Variants in ACOXL observed in about 807,000 individuals in gnomAD.
ACOXL encodes acyl-CoA oxidase like, also known as acyl-coenzyme A oxidase-like protein.
Under a neutral mutation model 71.9 loss-of-function variants are expected in ACOXL, and 70 were observed. The observed-to-expected ratio is 0.97, with a 90% CI of 0.80 to 1.19. The LOEUF (loss-of-function observed/expected upper bound fraction) is 1.19. ACOXL is among the 50% of genes most tolerant of loss of function. ACOXL has a pLI of 0.00. For synonymous variants in ACOXL, 253 were observed against 281.6 expected (o/e 0.90, Z 1.02); for missense variants, 703 against 736.3 (o/e 0.95, Z 0.52).
chr2:110,843,515 G>A (rs1691433948), intron 10 of ACOXL, among the ~76,000 whole-genome samples: 1 of 152,188 alleles, frequency 6.6e-6, no homozygotes, highest in Non-Finnish European at 1.5e-5. Flanking sequence ...GAGTGTGGAG[G>A]TGTGGGGTGG....
chr2:111,104,528 A>G (rs748396874), intron 17 of ACOXL, among the ~76,000 whole-genome samples: 7 of 152,202 alleles, frequency 4.6e-5, no homozygotes, highest in Non-Finnish European at 7.3e-5. Flanking sequence ...TATGTTAACC[A>G]TTCTGATATG....
At chr2:110,885,324 G>T (rs1269056101) in intron 10 of ACOXL, among the ~76,000 whole-genome samples, 6 of 152,254 alleles carry the variant, frequency 3.9e-5, no homozygotes, top group African/African-American at 1.2e-4. Flanking sequence ...CTTGATGAAA[G>T]ACTTCAAAAT....
Position 110,757,116 on chromosome 2 carries a change from A to G in ACOXL, c.-22-11252A>G, listed in dbSNP as rs906286867. 5.9e-5 allele frequency among the ~76,000 whole-genome samples: 9 copies of G among 152,096 alleles called. No homozygotes were observed. In the South Asian group the frequency reaches 6.2e-4, roughly 11 times the overall value. The stretch of plus-strand genomic sequence containing the variant: ...CACCATGTATCCATATGTTCTCATC[A>G]TTCAGCTCCCACTTATAAGTGAGAA... On this transcript the variant is annotated intron_variant, in intron 1 of 17. Coordinates refer to ENST00000439055, the MANE Select transcript of ACOXL (RefSeq NM_001142807.4).
intron 16 of ACOXL, among the ~76,000 whole-genome samples, chr2:111,051,058 G>T (rs1240428231): frequency 6.6e-6 from 1 of 152,212 alleles, no homozygotes; most frequent in East Asian, 1.9e-4. Flanking sequence ...GGTTTCTGCA[G>T]ACTGTGTGGC....
At chr2:110,974,451 A>G (rs1421505115) in intron 12 of ACOXL, among the ~76,000 whole-genome samples, 2 of 152,108 alleles carry the variant, frequency 1.3e-5, no homozygotes, top group Non-Finnish European at 2.9e-5. Flanking sequence ...CCTTGGTGAA[A>G]TTTAATTATA....
chr2:110,788,070 G>A (rs902528204), intron 3 of ACOXL, among the ~76,000 whole-genome samples: 1 of 152,090 alleles, frequency 6.6e-6, no homozygotes, highest in African/African-American at 2.4e-5. Context: ...AAATCAAAAC[G>A]ATATGGTTGT....
chr2:110,757,846 G>A (rs890431591), intron 1 of ACOXL, among the ~76,000 whole-genome samples: 3 of 151,808 alleles, frequency 2.0e-5, no homozygotes, highest in Non-Finnish European at 4.4e-5. Flanking sequence ...TCTGTAGGTT[G>A]TTCACTCTGA....
chr2:110,967,974 C>CA (rs1451684853), intron 12 of ACOXL: 24 of 926,778 alleles, frequency 2.6e-5, no homozygotes, highest in Admixed American at 1.7e-4. Flanking sequence ...ACAACACACC[C>CA]AAATATAGGA....
intron 11 of ACOXL, among the ~76,000 whole-genome samples, chr2:110,909,525 G>C (rs2059578483): frequency 6.6e-6 from 1 of 152,098 alleles, no homozygotes; most frequent in South Asian, 2.1e-4. Flanking sequence ...ACAGAGCCTA[G>C]AAGTAGTGGA....
At chr2:110,751,358 T>C (rs796142412) in intron 1 of ACOXL, among the ~76,000 whole-genome samples, 66 of 151,932 alleles carry the variant, frequency 4.3e-4, no homozygotes, top group African/African-American at 1.5e-3. Context: ...GACCTTGACA[T>C]TGAGGATCTT....
At chr2:110,823,489 A>C (rs1297682879) in intron 9 of ACOXL, among the ~76,000 whole-genome samples, 1 of 152,176 alleles carries the variant, frequency 6.6e-6, no homozygotes, top group African/African-American at 2.4e-5. Context: ...TAGGAGGACT[A>C]TTGATGGATT....
At chr2:110,769,206 A>T (rs1050301702) in intron 2 of ACOXL, among the ~76,000 whole-genome samples, 1 of 151,106 alleles carries the variant, frequency 6.6e-6, no homozygotes, top group Non-Finnish European at 1.5e-5. Flanking sequence ...GTATTATTTT[A>T]GTCAATTTAG....
intron 10 of ACOXL, among the ~76,000 whole-genome samples, chr2:110,893,892 G>A (rs570231254): frequency 6.6e-6 from 1 of 151,992 alleles, no homozygotes; most frequent in Non-Finnish European, 1.5e-5. Flanking sequence ...TAAATTAGTA[G>A]TACATCTTTG....
At chr2:110,895,293 G>A (rs1466403566) in intron 10 of ACOXL, among the ~76,000 whole-genome samples, 1 of 151,864 alleles carries the variant, frequency 6.6e-6, no homozygotes, top group African/African-American at 2.4e-5. Context: ...CTAATTGGAT[G>A]GTCTCAACAG....
Position 110,843,763 on chromosome 2 carries a change from G to A in ACOXL, c.788+2358G>A, listed in dbSNP as rs553948459. The stretch of plus-strand genomic sequence containing the variant: ...TTCCCCCTGCTGTGTTTCCAGAGAT[G>A]TTTGTCTCCAGGCTGTCCTTATAAC... On this transcript the variant is annotated intron_variant, in intron 10 of 17. Transcript: ENST00000439055. 9.2e-5 allele frequency among the ~76,000 whole-genome samples: 14 copies of A among 152,324 alleles called. No homozygotes were observed. The South Asian group carries it at 2.9e-3, about 32-fold the overall frequency.
intron 17 of ACOXL, chr2:111,093,356 A>G (rs1474310720): frequency 8.6e-6 from 10 of 1,156,954 alleles, no homozygotes; most frequent in Non-Finnish European, 1.2e-5. Context: ...GGAATTCAAT[A>G]CAATAGCTAC....
intron 3 of ACOXL, among the ~76,000 whole-genome samples, chr2:110,786,163 A>G (rs1452771812): frequency 6.6e-6 from 1 of 152,148 alleles, no homozygotes; most frequent in Non-Finnish European, 1.5e-5. Context: ...ATGATTCCTC[A>G]TATCCAAACA....
chr2:110,981,170 C>G (rs1273154113), intron 12 of ACOXL, among the ~76,000 whole-genome samples: 1 of 152,184 alleles, frequency 6.6e-6, no homozygotes, highest in Admixed American at 6.5e-5. Flanking sequence ...CGAGACCAGC[C>G]TGGCCAACAT....
intron 1 of ACOXL, among the ~76,000 whole-genome samples, chr2:110,766,869 A>C (rs1332985243): frequency 6.6e-6 from 1 of 152,124 alleles, no homozygotes; most frequent in Non-Finnish European, 1.5e-5. Flanking sequence ...TCAGCTCCCT[A>C]CTTGGCCCAC....
Sources: allele counts gnomAD v4.1 joint callset (sites outside exome capture counted in the v4.1 genomes callset), GRCh38; gene constraint gnomAD v4.1.1; transcripts MANE v1.5; gene names NCBI Gene and HGNC (gene_info 2026-07-23, HGNC 2026-07-21).